LRRC69: variants seen among roughly 807,000 people sequenced by gnomAD.
LRRC69 encodes the protein leucine-rich repeat-containing protein 69.
Under a neutral mutation model 37.8 loss-of-function variants are expected in LRRC69, and 42 were observed. The ratio of observed to expected loss-of-function variants is 1.11; its 90% CI spans 0.87 to 1.44. LRRC69 has a LOEUF of 1.44. LRRC69 is among the 40% of genes most tolerant of loss of function. The pLI, the probability that LRRC69 is intolerant of heterozygous loss-of-function variation, is 0.00. For missense variants in LRRC69, 357 were observed against 401.9 expected, an observed-to-expected ratio of 0.89 and a Z score of 0.96; for synonymous variants, 141 against 143.1, an observed-to-expected ratio of 0.99 and a Z score of 0.11.
At chr8:91,196,743 C>A (rs968950926) in intron 6 of LRRC69, among the ~76,000 whole-genome samples, 1 of 150,166 alleles carries the variant, frequency 6.7e-6, no homozygotes, top group Admixed American at 6.6e-5. Flanking sequence ...GTTATACATT[C>A]TTCTAAATTT....
chr8:91,104,440 CAATT>C (rs1454120431), intron 1 of LRRC69, among the ~76,000 whole-genome samples: 8 of 152,094 alleles, frequency 5.3e-5, no homozygotes, highest in African/African-American at 1.7e-4. Flanking sequence ...CACATGGAGT[CAATT>C]AATCTATGAT....
At chr8:91,153,888 A>G (rs1030481653) in intron 5 of LRRC69, among the ~76,000 whole-genome samples, 1 of 151,926 alleles carries the variant, frequency 6.6e-6, no homozygotes, top group Non-Finnish European at 1.5e-5. Context: ...GGAGATAGAG[A>G]CATGAAAAAT....
At chr8:91,187,096 C>T (rs1809419859) in intron 5 of LRRC69, among the ~76,000 whole-genome samples, 1 of 152,166 alleles carries the variant, frequency 6.6e-6, no homozygotes, top group Admixed American at 6.5e-5. Flanking sequence ...CTTTAAGGAG[C>T]TTCCTCAGTC....
rs556425845 is a variant in LRRC69 at position 91,204,044 on chromosome 8, C to A, written c.933+3252C>A. On this transcript the variant is annotated intron_variant, in intron 7 of 7. Coordinates refer to ENST00000448384, the Ensembl canonical transcript of LRRC69. ...TGCTGAGGCAGGAAAATGGTGTGAA[C>A]CCAGGAGGAGCAGCTTGCAGTGAGC... 5.5e-4 allele frequency among the ~76,000 whole-genome samples: 84 copies of A among 151,450 alleles called. 1 individual carries two copies. Among genetic ancestry groups the A allele is most frequent in the African/African-American group, 2.0e-3 (82 of 41,238 alleles).
intron 6 of LRRC69, among the ~76,000 whole-genome samples, chr8:91,190,565 T>C (rs1242700816): frequency 6.6e-6 from 1 of 152,148 alleles, no homozygotes; most frequent in African/African-American, 2.4e-5. Flanking sequence ...ATACACTATA[T>C]AGAGTTGTTT....
intron 1 of LRRC69, among the ~76,000 whole-genome samples, chr8:91,115,887 C>T (rs1451013604): frequency 6.6e-6 from 1 of 151,810 alleles, no homozygotes; most frequent in Non-Finnish European, 1.5e-5. Flanking sequence ...TGACCCTGCA[C>T]ATGGAGATCC....
intron 1 of LRRC69, among the ~76,000 whole-genome samples, chr8:91,113,721 A>G (rs75104064): frequency 0.011 from 1,606 of 151,962 alleles, 28 homozygotes; most frequent in African/African-American, 0.037. Flanking sequence ...GGATAATTTA[A>G]AACTAAAAAC....
intron 3 of LRRC69, 53 bp downstream of exon 3, chr8:91,127,213 C>G: frequency 7.8e-7 from 1 of 1,288,736 alleles, no homozygotes; most frequent in Non-Finnish European, 1.1e-6. Flanking sequence ...TCCTCTATCC[C>G]CACCCTGGTC....
At chr8:91,115,597 G>A (rs1813497293) in intron 1 of LRRC69, among the ~76,000 whole-genome samples, 1 of 151,930 alleles carries the variant, frequency 6.6e-6, no homozygotes, top group East Asian at 1.9e-4. Context: ...ACTAAAGTAT[G>A]CAGGAATATT....
intron 1 of LRRC69, among the ~76,000 whole-genome samples, chr8:91,115,085 T>G (rs983945837): frequency 2.6e-5 from 4 of 151,896 alleles, no homozygotes; most frequent in African/African-American, 9.7e-5. Context: ...GCACAAAGTT[T>G]CAGTTATGTA....
chr8:91,190,189 T>C (rs1809470366), intron 6 of LRRC69, among the ~76,000 whole-genome samples: 1 of 152,096 alleles, frequency 6.6e-6, no homozygotes, highest in South Asian at 2.1e-4. Flanking sequence ...TGCAGGATTG[T>C]CATAAGACTT....
chr8:91,184,898 T>C (rs1338360394), intron 5 of LRRC69, among the ~76,000 whole-genome samples: 1 of 152,156 alleles, frequency 6.6e-6, no homozygotes, highest in East Asian at 1.9e-4. Context: ...AAAGAGATAG[T>C]GCAGAATCCA....
chr8:91,203,376 A>G lies in LRRC69; in HGVS notation c.933+2584A>G, dbSNP rs542440791. ...CCAATAAAGGATCTGAGTTGTGAAT[A>G]TGCTTATACCTATCTTTTTTTTTTT... is the stretch of plus-strand genomic sequence containing the variant. On this transcript the variant is annotated intron_variant, in intron 7 of 7. Coordinates refer to ENST00000448384, the Ensembl canonical transcript of LRRC69. Among the ~76,000 whole-genome samples, 11 of 151,836 alleles carry G rather than the reference A, an allele frequency of 7.2e-5. No individual in the cohort carries two copies. In the South Asian group the frequency reaches 1.0e-3, roughly 14 times the overall value.
chr8:91,194,683 C>T (rs1439641666), intron 6 of LRRC69, among the ~76,000 whole-genome samples: 6 of 152,004 alleles, frequency 3.9e-5, no homozygotes, highest in East Asian at 3.9e-4. Flanking sequence ...TCTGTGGGAT[C>T]GGTGATGATA....
intron 1 of LRRC69, among the ~76,000 whole-genome samples, chr8:91,107,428 C>G (rs768318318): frequency 1.3e-5 from 2 of 151,918 alleles, no homozygotes; most frequent in East Asian, 1.9e-4. Context: ...TGAGCCACCA[C>G]GCCCGGCCCA....
intron 7 of LRRC69, among the ~76,000 whole-genome samples, chr8:91,209,699 G>A (rs1283543500): frequency 6.6e-6 from 1 of 152,116 alleles, no homozygotes; most frequent in Non-Finnish European, 1.5e-5. Flanking sequence ...AGAGTTTAAT[G>A]CTGTGATTAG....
intron 5 of LRRC69, among the ~76,000 whole-genome samples, chr8:91,177,621 C>G (rs1485324543): frequency 1.3e-5 from 2 of 152,012 alleles, no homozygotes; most frequent in East Asian, 3.9e-4. Context: ...TGGTACTCAA[C>G]AAATGATAAC....
At chr8:91,188,102 C>A (rs766335815) in intron 5 of LRRC69, among the ~76,000 whole-genome samples, 1 of 152,090 alleles carries the variant, frequency 6.6e-6, no homozygotes, top group Non-Finnish European at 1.5e-5. Context: ...CTAGGTTGTA[C>A]CCATGAGATT....
intron 6 of LRRC69, among the ~76,000 whole-genome samples, chr8:91,197,911 C>T (rs953355619): frequency 6.6e-6 from 1 of 152,174 alleles, no homozygotes; most frequent in Non-Finnish European, 1.5e-5. Flanking sequence ...GTGGAAGTAG[C>T]TATCTATGCC....
Sources: allele counts gnomAD v4.1 joint callset (sites outside exome capture counted in the v4.1 genomes callset), GRCh38; gene constraint gnomAD v4.1.1; transcripts MANE v1.5; gene names NCBI Gene and HGNC (gene_info 2026-07-23, HGNC 2026-07-21).